FKBP9: variants seen among roughly 807,000 people sequenced by gnomAD.
The protein encoded by FKBP9 is FKBP prolyl isomerase 9, also known as peptidyl-prolyl cis-trans isomerase FKBP9.
A neutral mutation model predicts 55.6 loss-of-function variants in FKBP9; 27 were observed. The observed-to-expected ratio is 0.49, with a 90% CI of 0.36 to 0.67. FKBP9 has a LOEUF of 0.67. FKBP9 is among the 30% of genes least tolerant of loss of function. The pLI is 0.00. For synonymous variants in FKBP9, 267 were observed against 296.5 expected (o/e 0.90, Z 1.02); for missense variants, 539 against 742.8 (o/e 0.73, Z 3.19).
At chr7:32,972,879 C>T (rs575716259) in intron 1 of FKBP9, among the ~76,000 whole-genome samples, 80 of 152,238 alleles carry the variant, frequency 5.3e-4, no homozygotes, top group African/African-American at 1.7e-3. Flanking sequence ...CACACCACCA[C>T]GCCTGGCTAA....
chr7:32,976,433 A>T lies in FKBP9; in HGVS notation c.637A>T (p.Met213Leu). Residue 213 changes from methionine to leucine, a missense_variant, in exon 4 of 10, where the codon ATG (methionine) becomes TTG (leucine). Transcript: ENST00000242209. ...TGGAATGGATAAAGGGCTGCTGGGG[A>T]TGTGTGTGGGTGAGAAGCGCATCAT... ...IPGMDKGLLG[M>L]CVGEKRIITI... 6.2e-7 allele frequency: 1 copy of T among 1,613,582 alleles called. No homozygotes were observed.
intron 1 of FKBP9, among the ~76,000 whole-genome samples, chr7:32,960,258 GTGC>G (rs1783994846): frequency 6.6e-6 from 1 of 151,942 alleles, no homozygotes; most frequent in Admixed American, 6.6e-5. Context: ...GGGATTACAG[GTGC>G]CTGCCACCAC....
intron 5 of FKBP9, among the ~76,000 whole-genome samples, chr7:32,986,386 G>A (rs1784577398): frequency 6.6e-6 from 1 of 152,218 alleles, no homozygotes; most frequent in African/African-American, 2.4e-5. Context: ...CTGAATGTCT[G>A]GCAGTGGCTG....
intron 7 of FKBP9, among the ~76,000 whole-genome samples, chr7:32,997,386 A>G (rs1276022953): frequency 6.6e-6 from 1 of 151,108 alleles, no homozygotes; most frequent in Non-Finnish European, 1.5e-5. Context: ...CTAATTTTTA[A>G]AATTTTTTTA....
At chr7:32,977,883 G>T (rs10807865) in intron 4 of FKBP9, among the ~76,000 whole-genome samples, 1 of 128,104 alleles carries the variant, frequency 7.8e-6, no homozygotes, top group African/African-American at 3.1e-5. Flanking sequence ...ATATATATAT[G>T]TATATATACA....
intron 7 of FKBP9, among the ~76,000 whole-genome samples, chr7:32,996,647 T>TTCCTTCCC (rs1784795277): frequency 1.3e-5 from 2 of 149,772 alleles, no homozygotes; most frequent in African/African-American, 4.9e-5. Context: ...CCTTCCTTCC[T>TTCCTTCCC]TCCTTCCTTC....
At chr7:32,964,304 C>T (rs1562562274) in intron 1 of FKBP9, among the ~76,000 whole-genome samples, 1 of 152,162 alleles carries the variant, frequency 6.6e-6, no homozygotes, top group Non-Finnish European at 1.5e-5. Flanking sequence ...AGCAATTACA[C>T]ATTTATATTA....
chr7:33,003,337 A>G (rs1422767088), intron 9 of FKBP9, among the ~76,000 whole-genome samples: 5 of 152,182 alleles, frequency 3.3e-5, no homozygotes, highest in Non-Finnish European at 7.3e-5. Flanking sequence ...CACATCTGCT[A>G]TTGAAGCACA....
At chr7:33,000,657 A>G (rs566645095) in intron 8 of FKBP9, among the ~76,000 whole-genome samples, 27 of 152,058 alleles carry the variant, frequency 1.8e-4, no homozygotes, top group African/African-American at 6.0e-4. Context: ...TAGGCTGTCC[A>G]AGACAGTTTC....
At chr7:32,999,492 A>G (rs183473556) in intron 7 of FKBP9, among the ~76,000 whole-genome samples, 7 of 123,466 alleles carry the variant, frequency 5.7e-5, no homozygotes, top group African/African-American at 2.4e-4. Context: ...TTTTTTTTTT[A>G]GTCTTAGACT....
At chr7:33,001,426 T>C (rs1287883181) in intron 8 of FKBP9, among the ~76,000 whole-genome samples, 1 of 151,966 alleles carries the variant, frequency 6.6e-6, no homozygotes, top group Non-Finnish European at 1.5e-5. Flanking sequence ...TCCCAGCTAC[T>C]TGGGAGGCTG....
chr7:32,976,620 A>G, intron 4 of FKBP9, 121 bp downstream of exon 4: 2 of 1,380,034 alleles, frequency 1.4e-6, no homozygotes, highest in Non-Finnish European at 9.8e-7. Context: ...ACTGGCCAAT[A>G]TGGTAACCAC....
intron 5 of FKBP9, among the ~76,000 whole-genome samples, chr7:32,982,709 C>G (rs1451382892): frequency 6.6e-6 from 1 of 152,148 alleles, no homozygotes; most frequent in Non-Finnish European, 1.5e-5. Context: ...TCTGTGTACA[C>G]CAGATTTCTG....
At chr7:32,965,812 A>AAAATATATATATAT (rs1554284289) in intron 1 of FKBP9, among the ~76,000 whole-genome samples, 30 of 34,932 alleles carry the variant, frequency 8.6e-4, no homozygotes, top group African/African-American at 3.5e-3. Flanking sequence ...AAAAAAAAAA[A>AAAATATATATATAT]ATATATATAT....
In FKBP9 at chr7:32,989,797, C is replaced by G. The variant is rs577854186; in HGVS notation, c.1039+1145C>G. 2.6e-5 allele frequency among the ~76,000 whole-genome samples: 4 copies of G among 152,136 alleles called. 1 individual carries two copies. The highest frequency in any genetic ancestry group is 2.6e-4 in the Admixed American group (4 of 15,270). On this transcript the variant is annotated intron_variant, in intron 6 of 9. Coordinates refer to ENST00000242209, the MANE Select transcript of FKBP9 (RefSeq NM_007270.5). ...AGTATCTATGTTCTAATCCCCAGAA[C>G]CTGTGAGTATGTTACCTTACTTTAT...
At position 32,980,411 on chromosome 7, in the gene FKBP9, T is replaced by C. The variant is rs373754542; in HGVS notation, c.751T>C (p.Leu251=). The C allele has an allele frequency of 1.2e-6, 2 of 1,613,684 alleles. No individual in the cohort carries two copies. Among genetic ancestry groups the C allele is most frequent in the South Asian group, 1.1e-5 (1 of 91,040 alleles). The part of the protein sequence containing the change: ...QASLVFDVAL[L]DLHNPKDSIS... ...ATCTCTGGTGTTTGATGTTGCATTA[T>C]TGGACCTCCATAACCCCAAGGACAG... is the stretch of plus-strand genomic sequence containing the variant. The change falls in exon 5 of 10, where the codon TTG becomes CTG. Residue 251 remains leucine, a synonymous_variant. Coordinates refer to ENST00000242209, the MANE Select transcript of FKBP9 (RefSeq NM_007270.5).
chr7:33,001,852 AC>A, intron 8 of FKBP9: 1 of 152,236 alleles, frequency 6.6e-6, no homozygotes, highest in Non-Finnish European at 1.5e-5. Context: ...CAGCTTTCAA[AC>A]TTTTTTCCAC....
intron 1 of FKBP9, among the ~76,000 whole-genome samples, chr7:32,971,605 C>G (rs1784255563): frequency 6.6e-6 from 1 of 152,094 alleles, no homozygotes; most frequent in South Asian, 2.1e-4. Flanking sequence ...CTCAGTCTCC[C>G]AAGTAGCTGG....
chr7:32,984,787 A>G (rs1183246039), intron 5 of FKBP9, among the ~76,000 whole-genome samples: 3 of 152,150 alleles, frequency 2.0e-5, no homozygotes, highest in Non-Finnish European at 4.4e-5. Context: ...ATTTTTTTCC[A>G]GATGGTTAGC....
Sources: gnomAD v4.1 joint callset for allele counts (sites outside exome capture counted in the v4.1 genomes callset) on GRCh38, gnomAD v4.1.1 for gene constraint, MANE v1.5 for transcripts, NCBI Gene and HGNC (gene_info 2026-07-23, HGNC 2026-07-21) for gene names.